Variants in TOP3A observed in about 807,000 individuals in gnomAD.
TOP3A encodes the protein DNA topoisomerase III alpha, also known as DNA topoisomerase 3-alpha.
A neutral mutation model predicts 111.3 loss-of-function variants in TOP3A; 64 were observed. The ratio of observed to expected loss-of-function variants is 0.57; its 90% confidence interval spans 0.47 to 0.71. TOP3A has a LOEUF of 0.71. Ranked by LOEUF, TOP3A falls within the 30% of genes least tolerant of loss-of-function variation. TOP3A has a pLI of 0.00. For missense variants in TOP3A, 1,104 were observed against 1,285.0 expected (o/e 0.86, Z 2.15); for synonymous variants, 484 against 485.1 (o/e 1.00, Z 0.03).
chr17:18,279,933 T>C (rs1055055171), intron 17 of TOP3A, among the ~76,000 whole-genome samples: 1 of 152,054 alleles, frequency 6.6e-6, no homozygotes, highest in African/African-American at 2.4e-5. Context: ...GGTGGATCAC[T>C]TGGGGCCAGG....
At chr17:18,302,024 G>C (rs759886419) in intron 7 of TOP3A, 39 bp from the exon 8 acceptor site, 1 of 1,576,298 alleles carries the variant, frequency 6.3e-7, no homozygotes. Flanking sequence ...CTGTGTCTCA[G>C]AGACATGTCA....
chr17:18,285,016 C>T (rs569071531), intron 15 of TOP3A, 126 bp downstream of exon 15: 21 of 1,103,294 alleles, frequency 1.9e-5, no homozygotes, highest in South Asian at 1.4e-4. Context: ...GGCCCAGATG[C>T]GGTGGCTCAC....
At chr17:18,306,987 G>A in intron 3 of TOP3A, 21 bp from the exon 4 acceptor site, 1 of 1,582,850 alleles carries the variant, frequency 6.3e-7, no homozygotes, top group Non-Finnish European at 8.7e-7. Flanking sequence ...AATGAAAACA[G>A]AGTCCCAACT....
rs886121257 is a variant in TOP3A, at chr17:18,272,210, T to C, written c.*2592A>G. 6.6e-6 allele frequency among the ~76,000 whole-genome samples: 1 copy of C among 152,090 alleles called. No individual in the cohort carries two copies. The highest frequency in any genetic ancestry group is 1.9e-4 in the East Asian group (1 of 5,196). On this transcript the variant is annotated 3_prime_UTR_variant, in exon 19 of 19. Transcript: ENST00000321105. ...AGGAAAATGCAAAACAAAACCACAA[T>C]GACACGCCACTTCATACCCACTAGG...
intron 5 of TOP3A, among the ~76,000 whole-genome samples, chr17:18,303,820 G>A (rs1317913389): frequency 2.6e-5 from 4 of 151,506 alleles, no homozygotes; most frequent in East Asian, 2.0e-4. Context: ...CTTGCTGAGC[G>A]CCGGTCCCCT....
At chr17:18,302,138 G>T in intron 7 of TOP3A, 126 bp downstream of exon 7, 1 of 1,375,474 alleles carries the variant, frequency 7.3e-7, no homozygotes, top group Middle Eastern at 2.0e-4. Context: ...GATTGTAATG[G>T]GCCAGGGAGG....
At chr17:18,279,775 C>A (rs902154809) in intron 17 of TOP3A, among the ~76,000 whole-genome samples, 2 of 152,192 alleles carry the variant, frequency 1.3e-5, no homozygotes, top group Non-Finnish European at 2.9e-5. Flanking sequence ...ACAGCCTAGA[C>A]CTCTAGGATC....
At chr17:18,275,123 A>G in intron 18 of TOP3A, 143 bp from the exon 19 acceptor site, 1 of 1,258,666 alleles carries the variant, frequency 7.9e-7, no homozygotes, top group Non-Finnish European at 1.1e-6. Context: ...GTTCAAGATC[A>G]GCCTGGGCAA....
intron 9 of TOP3A, among the ~76,000 whole-genome samples, chr17:18,297,835 C>T (rs1362175655): frequency 1.3e-5 from 2 of 152,170 alleles, no homozygotes; most frequent in African/African-American, 4.8e-5. Flanking sequence ...AGCCTCTGCC[C>T]GGCCGCCACC....
At chr17:18,288,715 G>A (rs889822902) in intron 13 of TOP3A, among the ~76,000 whole-genome samples, 4 of 152,128 alleles carry the variant, frequency 2.6e-5, no homozygotes, top group Admixed American at 1.3e-4. Flanking sequence ...GCTGCCCTTC[G>A]CTGATCCAGA....
Position 18,308,378 on chromosome 17 carries a change from T to C in TOP3A, c.287A>G (p.His96Arg), listed in dbSNP as rs763315335. The C allele has an allele frequency of 5.6e-6, 9 of 1,605,968 alleles. No individual in the cohort carries two copies. In the Admixed American group the frequency reaches 1.3e-4, roughly 24 times the overall value. Residue 96 changes from histidine (H) to arginine (R), a missense_variant, in exon 3 of 19, where the codon CAT (histidine) becomes CGT (arginine). By Grantham distance (29) the His-to-Arg change is conservative. Transcript: ENST00000321105. ...TTTTCGAAACTGCATCTGGAAATCA[T>C]GAGCCAGTAAATGTCCAGAAACTGA... The part of the protein sequence containing the change: ...MTSVSGHLLA[H>R]DFQMQFRKWQ...
At chr17:18,297,831 T>C (rs1459504385) in intron 9 of TOP3A, among the ~76,000 whole-genome samples, 1 of 152,174 alleles carries the variant, frequency 6.6e-6, no homozygotes, top group East Asian at 1.9e-4. Context: ...TTGCAGCCTC[T>C]GCCCGGCCGC....
Position 18,302,582 on chromosome 17 carries a change from A to G in TOP3A, c.641T>C (p.Ile214Thr). The G allele has an allele frequency of 6.2e-7, 1 of 1,613,914 alleles. No individual in the cohort carries two copies. Among genetic ancestry groups the G allele is most frequent in the Non-Finnish European group, 8.5e-7 (1 of 1,179,854 alleles). ...VDVRQELDLR[I>T]GAAFTRFQTL... ...GAGAGGTCTGCCTAGCTCCTCACCA[A>G]TCCTCAGGTCCAGCTCCTGCCTCAC... The change falls in exon 6 of 19, where the codon ATT becomes ACT. Residue 214 changes from isoleucine (I) to threonine (T), a missense_variant and splice_region_variant. By Grantham distance (89) the Ile-to-Thr change is moderately conservative. Coordinates refer to ENST00000321105, the MANE Select transcript of TOP3A (RefSeq NM_004618.5).
At chr17:18,302,197 C>T in intron 7 of TOP3A, 67 bp downstream of exon 7, 2 of 1,524,886 alleles carry the variant, frequency 1.3e-6, no homozygotes, top group Non-Finnish European at 1.8e-6. Context: ...GCTATTAATG[C>T]TCACAGTCCC....
At chr17:18,275,105 G>A in intron 18 of TOP3A, 125 bp from the exon 19 acceptor site, 2 of 1,377,614 alleles carry the variant, frequency 1.5e-6, no homozygotes, top group African/African-American at 1.5e-5. Flanking sequence ...GATTGCTTGA[G>A]CCCAGGAGTT....
At chr17:18,280,454 T>G in intron 17 of TOP3A, 82 bp downstream of exon 17, 2 of 1,515,794 alleles carry the variant, frequency 1.3e-6, no homozygotes, top group Non-Finnish European at 1.8e-6. Context: ...TCCCCGACAC[T>G]CCTCTCTGGG....
chr17:18,297,465 G>GTCTCCC (rs1980891521), intron 9 of TOP3A, among the ~76,000 whole-genome samples: 8 of 131,362 alleles, frequency 6.1e-5, no homozygotes, highest in African/African-American at 2.1e-4. Flanking sequence ...CACGGTCTCC[G>GTCTCCC]TCTCCCTCTC....
intron 1 of TOP3A, among the ~76,000 whole-genome samples, chr17:18,311,374 A>T (rs1981901813): frequency 6.6e-6 from 1 of 152,092 alleles, no homozygotes; most frequent in Non-Finnish European, 1.5e-5. Context: ...GCTCACTGCA[A>T]GCTCCACTTC....
At chr17:18,309,075 A>G (rs1039688201) in intron 1 of TOP3A, 134 bp from the exon 2 acceptor site, 2 of 482,840 alleles carry the variant, frequency 4.1e-6, no homozygotes, top group Non-Finnish European at 7.2e-6. Flanking sequence ...CATTGCTCCA[A>G]AGAAGATAAG....
Sources: gnomAD v4.1 joint callset for allele counts (sites outside exome capture counted in the v4.1 genomes callset) on GRCh38, gnomAD v4.1.1 for gene constraint, MANE v1.5 for transcripts, NCBI Gene and HGNC (gene_info 2026-07-23, HGNC 2026-07-21) for gene names.